Variants in PRKN observed in about 807,000 individuals in gnomAD.
The protein encoded by PRKN is parkin RBR E3 ubiquitin protein ligase.
Under a neutral mutation model 59.5 loss-of-function variants are expected in PRKN, and 56 were observed. The ratio of observed to expected loss-of-function variants is 0.94; its 90% confidence interval spans 0.76 to 1.18. The LOEUF (loss-of-function observed/expected upper bound fraction) is 1.18. Among genes scored for constraint, PRKN ranks in the 50% most tolerant of loss-of-function variants. The pLI is 0.00. For synonymous variants in PRKN, 250 were observed against 222.1 expected (o/e 1.13, Z -1.12); for missense variants, 657 against 596.4 (o/e 1.10, Z -1.06).
At chr6:161,882,583 G>T (rs1004983160) in intron 6 of PRKN, among the ~76,000 whole-genome samples, 2 of 152,084 alleles carry the variant, frequency 1.3e-5, no homozygotes, top group Non-Finnish European at 2.9e-5. Flanking sequence ...TCAAACTCAG[G>T]CTTCTCAAGT....
intron 4 of PRKN, among the ~76,000 whole-genome samples, chr6:162,115,260 C>G (rs1780616148): frequency 6.6e-6 from 1 of 151,670 alleles, no homozygotes; most frequent in African/African-American, 2.4e-5. Flanking sequence ...AAACCAAACA[C>G]CGCATATTCT....
intron 2 of PRKN, among the ~76,000 whole-genome samples, chr6:162,442,470 T>A (rs184204771): frequency 2.0e-5 from 3 of 152,256 alleles, no homozygotes; most frequent in Non-Finnish European, 2.9e-5. Flanking sequence ...TGAGTTGTAT[T>A]TGCGAGTTTC....
At chr6:161,877,344 GCCCTCCATGGC>G (rs528742203) in intron 6 of PRKN, among the ~76,000 whole-genome samples, 1 of 152,230 alleles carries the variant, frequency 6.6e-6, no homozygotes, top group South Asian at 2.1e-4. Context: ...TCTCACCACT[GCCCTCCATGGC>G]CCCTCCAGGG....
intron 7 of PRKN, among the ~76,000 whole-genome samples, chr6:161,728,455 G>T (rs1385377755): frequency 6.6e-6 from 1 of 152,154 alleles, no homozygotes; most frequent in South Asian, 2.1e-4. Context: ...CACCTGCCAA[G>T]GTTGAGAGGA....
chr6:162,569,370 A>C lies in PRKN; in HGVS notation c.8-125897T>G. 3 of 651,444 alleles carry C rather than the reference A, an allele frequency of 4.6e-6. No homozygotes were observed. In the Admixed American group the frequency reaches 5.5e-5, roughly 12 times the overall value. The allele number at this position is 651,444 out of a possible 1,614,324, so 40.4% of individuals were successfully genotyped here. ...GAGGCTGCCCTGCAACAGGCCATGC[A>C]GGACATGGCGTGGCAGCTGCATGAG... On this transcript the variant is annotated intron_variant, in intron 1 of 11. Coordinates refer to ENST00000366898, the MANE Select transcript of PRKN (RefSeq NM_004562.3).
At chr6:162,665,418 G>C (rs1317964749) in intron 1 of PRKN, among the ~76,000 whole-genome samples, 2 of 151,928 alleles carry the variant, frequency 1.3e-5, no homozygotes, top group African/African-American at 4.8e-5. Flanking sequence ...AATCATGAAT[G>C]AACTCCCATT....
intron 2 of PRKN, among the ~76,000 whole-genome samples, chr6:162,414,515 G>A (rs1788511423): frequency 6.6e-6 from 1 of 151,604 alleles, no homozygotes; most frequent in Admixed American, 6.6e-5. Context: ...AGACCATCCT[G>A]GCTAACATGG....
intron 9 of PRKN, among the ~76,000 whole-genome samples, chr6:161,506,927 G>A (rs576166021): frequency 5.2e-4 from 79 of 152,262 alleles, no homozygotes; most frequent in African/African-American, 1.9e-3. Flanking sequence ...CACGGAGCCA[G>A]GAGCAGCCTC....
At chr6:161,739,155 C>G (rs887973857) in intron 7 of PRKN, among the ~76,000 whole-genome samples, 2 of 152,108 alleles carry the variant, frequency 1.3e-5, no homozygotes, top group Non-Finnish European at 2.9e-5. Context: ...CACCTGTAAT[C>G]CCAGCACTTG....
chr6:162,226,088 TAATAATAATAA>T (rs1583226891), intron 3 of PRKN, among the ~76,000 whole-genome samples: 1 of 111,430 alleles, frequency 9.0e-6, no homozygotes, highest in Non-Finnish European at 1.7e-5. Context: ...ATAATAATAA[TAATAATAATAA>T]AATTAGATCA....
intron 1 of PRKN, among the ~76,000 whole-genome samples, chr6:162,681,150 A>C (rs769969273): frequency 3.7e-4 from 57 of 152,308 alleles, no homozygotes; most frequent in Middle Eastern, 3.4e-3. Context: ...CCTTTTCTTC[A>C]TGAAAAATCG....
In PRKN at chr6:162,648,303, ATG is replaced by A. The variant is rs1464597961; in HGVS notation, c.7+79357_7+79358del. Among the ~76,000 whole-genome samples, 15 of 151,990 alleles carry A rather than the reference ATG, an allele frequency of 9.9e-5. 1 individual carries two copies. Among genetic ancestry groups the A allele is most frequent in the Non-Finnish European group, 2.2e-4 (15 of 68,000 alleles). Reference sequence around the variant, plus strand: ...TTACATTATACTAAATGGGATTCCAATGGTCACTATGTGTTTAAAGCATGGCA... The same window carrying A: ...TTACATTATACTAAATGGGATTCCAAGTCACTATGTGTTTAAAGCATGGCA... On this transcript the variant is annotated intron_variant, in intron 1 of 11. Transcript: ENST00000366898.
At chr6:162,519,972 G>C (rs1365548783) in intron 1 of PRKN, among the ~76,000 whole-genome samples, 1 of 152,154 alleles carries the variant, frequency 6.6e-6, no homozygotes, top group Non-Finnish European at 1.5e-5. Context: ...GCTGATGGTT[G>C]AGCACAGTGG....
intron 2 of PRKN, among the ~76,000 whole-genome samples, chr6:162,422,360 C>T (rs1789014242): frequency 6.6e-6 from 1 of 152,078 alleles, no homozygotes; most frequent in Non-Finnish European, 1.5e-5. Context: ...TGCTGTCAAG[C>T]CAGTGATGCA....
chr6:161,567,326 G>A (rs1265279027), intron 8 of PRKN, among the ~76,000 whole-genome samples: 1 of 152,092 alleles, frequency 6.6e-6, no homozygotes, highest in Non-Finnish European at 1.5e-5. Flanking sequence ...ATCATTACAG[G>A]TGTGAGCCAC....
At position 162,488,468 on chromosome 6, in the gene PRKN, C is replaced by T. The variant is rs529205018; in HGVS notation, c.8-44995G>A. ...AGGTGTGGGTCGCCTCCAGCTGCAGCGCCATACCTCATGAGATCAGCAGAG... is the reference window on the plus strand; with the variant it reads ...AGGTGTGGGTCGCCTCCAGCTGCAGTGCCATACCTCATGAGATCAGCAGAG... On this transcript the variant is annotated intron_variant, in intron 1 of 11. Coordinates refer to ENST00000366898, the MANE Select transcript of PRKN (RefSeq NM_004562.3). Among the ~76,000 whole-genome samples, 11 of 152,290 alleles carry T rather than the reference C, an allele frequency of 7.2e-5. No homozygotes were observed. The South Asian group carries it at 1.9e-3, about 26-fold the overall frequency.
At chr6:161,966,547 A>G (rs1780588807) in intron 6 of PRKN, among the ~76,000 whole-genome samples, 1 of 152,172 alleles carries the variant, frequency 6.6e-6, no homozygotes, top group South Asian at 2.1e-4. Context: ...TGTAACTTCT[A>G]TTGGAAAGAC....
At chr6:161,406,505 T>C (rs989069238) in intron 9 of PRKN, among the ~76,000 whole-genome samples, 1 of 152,178 alleles carries the variant, frequency 6.6e-6, no homozygotes, top group African/African-American at 2.4e-5. Flanking sequence ...CTATTTTGTT[T>C]CTTTGAATGG....
intron 6 of PRKN, among the ~76,000 whole-genome samples, chr6:161,959,643 A>G (rs1780308074): frequency 6.6e-6 from 1 of 152,154 alleles, no homozygotes; most frequent in Non-Finnish European, 1.5e-5. Context: ...TCCTAACTCA[A>G]AATATTTCCT....
Sources: gnomAD v4.1 joint callset for allele counts (sites outside exome capture counted in the v4.1 genomes callset) on GRCh38, gnomAD v4.1.1 for gene constraint, MANE v1.5 for transcripts, NCBI Gene and HGNC (gene_info 2026-07-23, HGNC 2026-07-21) for gene names.